Variants in MAX observed in about 807,000 individuals in gnomAD.
MAX encodes protein max.
Under a neutral mutation model 22.3 loss-of-function variants are expected in MAX, and 3 were observed. The ratio of observed to expected loss-of-function variants is 0.13; its 90% confidence interval spans 0.06 to 0.35. MAX has a LOEUF of 0.35. Ranked by LOEUF, MAX falls within the 10% of genes least tolerant of loss-of-function variation. The pLI is 1.00. For synonymous variants in MAX, 72 were observed against 77.7 expected, an observed-to-expected ratio of 0.93 and a Z score of 0.39; for missense variants, 119 against 209.4, an observed-to-expected ratio of 0.57 and a Z score of 2.66.
Position 65,027,285 on chromosome 14 carries a change from GAATT to G in MAX, c.172-21005_172-21002del. Reference sequence around the variant, plus strand: ...ACAGAAATGATGATAGCTGGAGAGAGAATTAAGCCCTTTGGGGAGAGGTTATATT... The same window carrying G: ...ACAGAAATGATGATAGCTGGAGAGAGAAGCCCTTTGGGGAGAGGTTATATT... On this transcript the variant is annotated intron_variant, in intron 3 of 3. Coordinates refer to the MAX transcript ENST00000341653. This position sits in a 1 kb window ranked among gnomAD's most constrained non-coding sequence, Gnocchi z 5.7. The G allele has an allele frequency of 9.6e-7, 1 of 1,038,690 alleles. No individual in the cohort carries two copies. The highest frequency in any genetic ancestry group is 1.4e-6 in the Non-Finnish European group (1 of 721,970). The allele number at this position is 1,038,690 out of a possible 1,614,324, so 64.3% of individuals were successfully genotyped here. A position where few individuals can be genotyped will look rare whatever the true frequency, so the allele number is the denominator to read the frequency against.
rs1193421431 is a variant in MAX at position 65,031,401 on chromosome 14, C to T, written c.172-25117G>A. Among the ~76,000 whole-genome samples the T allele has an allele frequency of 6.6e-6, 1 of 151,346 alleles. No homozygotes were observed. Among genetic ancestry groups the T allele is most frequent in the Non-Finnish European group, 1.5e-5 (1 of 67,766 alleles). On this transcript the variant is annotated intron_variant, in intron 3 of 3. Transcript: ENST00000341653. The surrounding 1 kb of genome is among the most constrained non-coding windows in gnomAD (Gnocchi z 4.6). ...GGCATGATCTTGGCTCACTGCAACC[C>T]CCGCCTCCCGGGTTCAAGTGGTTCT...
Position 65,044,646 on chromosome 14 carries a change from C to A in MAX, c.172-38362G>T. Reference sequence around the variant, plus strand: ...TTCATTGGTTTAGTGTCATTCTTTGCTTCTTCAAATTGGCTGCGACAGAAT... The same window carrying A: ...TTCATTGGTTTAGTGTCATTCTTTGATTCTTCAAATTGGCTGCGACAGAAT... On this transcript the variant is annotated intron_variant, in intron 3 of 3. Transcript: ENST00000341653. The surrounding 1 kb of genome is among the most constrained non-coding windows in gnomAD (Gnocchi z 5.5). 1.3e-6 allele frequency: 1 copy of A among 793,886 alleles called. No homozygotes were observed. The highest frequency in any genetic ancestry group is 1.8e-6 in the Non-Finnish European group (1 of 548,636). 49.2% of individuals were successfully genotyped at this position (793,886 alleles called of 1,614,324 possible). A position where few individuals can be genotyped will look rare whatever the true frequency, so the allele number is the denominator to read the frequency against.
At chr14:65,065,490 G>A (rs1384365415) in intron 3 of MAX, among the ~76,000 whole-genome samples, 1 of 152,036 alleles carries the variant, frequency 6.6e-6, no homozygotes, top group Non-Finnish European at 1.5e-5. Flanking sequence ...CTACCCTACC[G>A]CACACCTAGG....
Position 65,102,485 on chromosome 14 carries a change from A to C in MAX, c.-146T>G. ...CTCACTCGCTCTCTCACTCACACAC[A>C]CACACAACACGGGCAAGAACCACCT... On this transcript the variant is annotated 5_prime_UTR_variant, in exon 1 of 5. Transcript: ENST00000358664. The C allele has an allele frequency of 6.7e-7, 1 of 1,501,944 alleles. No homozygotes were observed. The allele number at this position is 1,501,944 out of a possible 1,614,324, so 93.0% of individuals were successfully genotyped here. A position where few individuals can be genotyped will look rare whatever the true frequency, so the allele number is the denominator to read the frequency against.
intron 3 of MAX, among the ~76,000 whole-genome samples, chr14:65,024,941 T>G (rs543081442): frequency 6.6e-4 from 100 of 152,310 alleles, no homozygotes; most frequent in East Asian, 1.5e-3. Context: ...TTGTTTGTTT[T>G]TTTTAAATAT....
At chr14:65,101,628 A>G in intron 1 of MAX, 56 bp from the exon 2 acceptor site, 1 of 1,305,338 alleles carries the variant, frequency 7.7e-7, no homozygotes, top group East Asian at 2.5e-5. Context: ...TTTACACTTA[A>G]CATTCAATAA....
In MAX at chr14:65,012,944, AT is replaced by A. The variant is rs2139514041; in HGVS notation, c.172-6661del. 6.6e-6 allele frequency among the ~76,000 whole-genome samples: 1 copy of A among 152,306 alleles called. No individual in the cohort carries two copies. The highest frequency in any genetic ancestry group is 1.9e-4 in the East Asian group (1 of 5,192). On this transcript the variant is annotated intron_variant, in intron 3 of 3. Coordinates refer to the MAX transcript ENST00000341653. This position sits in a 1 kb window ranked among gnomAD's most constrained non-coding sequence, Gnocchi z 5.0. ...TAGAGAGTGGTCCTTGCAATTTAACATTACTGTTTAAGAGTAGATCTTTAAT... is the reference window on the plus strand; with the variant it reads ...TAGAGAGTGGTCCTTGCAATTTAACATACTGTTTAAGAGTAGATCTTTAAT...
intron 3 of MAX, among the ~76,000 whole-genome samples, chr14:65,049,884 C>T (rs1438636124): frequency 6.6e-6 from 1 of 151,934 alleles, no homozygotes; most frequent in Non-Finnish European, 1.5e-5. Context: ...CATCACTCAT[C>T]CCCCCAAAAA....
At position 65,051,961 on chromosome 14, in the gene MAX, A is replaced by AT. The variant is rs368574493; in HGVS notation, c.171+41746dup. ...AGGCGCCCACCACCATGTCCGGCTA[A>AT]TTTTTTTGTATTTTTAGTAGAGACA... is the stretch of plus-strand genomic sequence containing the variant. On this transcript the variant is annotated intron_variant, in intron 3 of 3. Coordinates refer to the MAX transcript ENST00000341653. 2.3e-3 allele frequency among the ~76,000 whole-genome samples: 353 copies of AT among 151,698 alleles called. 3 individuals are homozygous for AT. Among genetic ancestry groups the AT allele is most frequent in the African/African-American group, 8.0e-3 (329 of 41,372 alleles).
Position 65,078,051 on chromosome 14 carries a change from G to C in MAX, c.172-15C>G. On this transcript the variant is annotated splice_polypyrimidine_tract_variant and intron_variant, in intron 3 of 4. Coordinates refer to ENST00000358664, the MANE Select transcript of MAX (RefSeq NM_002382.5). This position sits in a 1 kb window ranked among gnomAD's most constrained non-coding sequence, Gnocchi z 6.4. ...GCCCGGGATGCCTGTGGCAATATGA[G>C]AAAAAGCACAGGGGACAAAATAAAA... 1.2e-6 allele frequency: 2 copies of C among 1,614,152 alleles called. No homozygotes were observed. The highest frequency in any genetic ancestry group is 1.7e-6 in the Non-Finnish European group (2 of 1,180,032).
chr14:65,026,420 G>A lies in MAX; in HGVS notation c.172-20136C>T, dbSNP rs574037535. Among the ~76,000 whole-genome samples the A allele has an allele frequency of 7.9e-5, 12 of 152,286 alleles. No homozygotes were observed. In the East Asian group the frequency reaches 2.1e-3, roughly 27 times the overall value. On this transcript the variant is annotated intron_variant, in intron 3 of 3. Transcript: ENST00000341653. The stretch of plus-strand genomic sequence containing the variant: ...AATGGGAGCCTGTTTGAATTAACGT[G>A]GAGAATTCTCCAAGAACCCGCAGAC...
Position 65,009,111 on chromosome 14 carries a change from C to T in MAX, c.172-2827G>A, listed in dbSNP as rs765766226. ...GCTCTACCTTTTCTTTCTTAACTTC[C>T]TACACAGAAAAGATTTTTGGATAGA... On this transcript the variant is annotated intron_variant, in intron 3 of 3. Coordinates refer to the MAX transcript ENST00000341653. The surrounding 1 kb of genome is among the most constrained non-coding windows in gnomAD (Gnocchi z 4.2). Among the ~76,000 whole-genome samples, 5 of 152,092 alleles carry T rather than the reference C, an allele frequency of 3.3e-5. No homozygotes were observed. The highest frequency in any genetic ancestry group is 7.4e-5 in the Non-Finnish European group (5 of 67,988).
chr14:65,067,976 C>T (rs1052810277), intron 3 of MAX, among the ~76,000 whole-genome samples: 2 of 152,004 alleles, frequency 1.3e-5, no homozygotes, highest in African/African-American at 4.8e-5. Context: ...AGGTAAAGTA[C>T]CATTCTCATC....
intron 3 of MAX, among the ~76,000 whole-genome samples, chr14:65,058,052 T>C (rs1444283842): frequency 6.6e-6 from 1 of 152,202 alleles, no homozygotes; most frequent in Non-Finnish European, 1.5e-5. Flanking sequence ...GCCTGTCAAG[T>C]TCTAATGGGA....
rs2062442725 is a variant in MAX, at chr14:65,044,957, T to C, written c.172-38673A>G. Among the ~76,000 whole-genome samples the C allele has an allele frequency of 2.0e-5, 3 of 152,314 alleles. No homozygotes were observed. The South Asian group carries it at 6.2e-4, about 32-fold the overall frequency. ...AAGAGACTCGCCGTGTCTGACTGGCTGCAGAGTTGTCACTATTAGAAATGT... is the reference window on the plus strand; with the variant it reads ...AAGAGACTCGCCGTGTCTGACTGGCCGCAGAGTTGTCACTATTAGAAATGT... On this transcript the variant is annotated intron_variant, in intron 3 of 3. Coordinates refer to the MAX transcript ENST00000341653. The surrounding 1 kb of genome is among the most constrained non-coding windows in gnomAD (Gnocchi z 5.5).
At chr14:65,037,394 C>A (rs1424268125) in intron 3 of MAX, among the ~76,000 whole-genome samples, 1 of 120,150 alleles carries the variant, frequency 8.3e-6, no homozygotes, top group Non-Finnish European at 1.7e-5. Context: ...TGAGCCACCA[C>A]GCCGGGCCCT....
chr14:65,037,835 C>T (rs766540484), intron 3 of MAX, among the ~76,000 whole-genome samples: 29 of 150,206 alleles, frequency 1.9e-4, no homozygotes, highest in African/African-American at 4.7e-4. Context: ...GGCTGGAGTG[C>T]GGTGGTGCAG....
intron 3 of MAX, among the ~76,000 whole-genome samples, chr14:65,020,210 G>A (rs1335817232): frequency 1.3e-5 from 2 of 152,238 alleles, no homozygotes; most frequent in Admixed American, 1.3e-4. Context: ...GCTGACCAAA[G>A]CCAGCAAGGC....
chr14:65,065,484 C>A (rs916299577), intron 3 of MAX, among the ~76,000 whole-genome samples: 2 of 152,216 alleles, frequency 1.3e-5, no homozygotes, highest in African/African-American at 4.8e-5. Flanking sequence ...GATGGCCTAC[C>A]CTACCGCACA....
Sources: gnomAD v4.1 joint callset for allele counts (sites outside exome capture counted in the v4.1 genomes callset) on GRCh38, gnomAD v4.1.1 for gene constraint, Gnocchi (gnomAD v3.1) non-coding constraint, MANE v1.5 for transcripts, NCBI Gene and HGNC (gene_info 2026-07-23, HGNC 2026-07-21) for gene names.